PKIG: variants seen among roughly 807,000 people sequenced by gnomAD.
PKIG encodes the protein cAMP-dependent protein kinase inhibitor gamma.
Under a neutral mutation model 6.8 loss-of-function variants are expected in PKIG, and 1 was observed. The ratio of observed to expected loss-of-function variants is 0.15; its 90% CI spans 0.05 to 0.69. The LOEUF (loss-of-function observed/expected upper bound fraction) is 0.69, where lower values mean the gene tolerates loss of function less well. Ranked by LOEUF, PKIG falls within the 30% of genes least tolerant of loss-of-function variation. PKIG has a pLI of 0.82. For missense variants in PKIG, 77 were observed against 104.0 expected, an observed-to-expected ratio of 0.74 and a Z score of 1.13; for synonymous variants, 39 against 43.0, an observed-to-expected ratio of 0.91 and a Z score of 0.36.
At chr20:44,538,769 C>T (rs953668625) in intron 1 of PKIG, among the ~76,000 whole-genome samples, 1 of 152,132 alleles carries the variant, frequency 6.6e-6, no homozygotes, top group Non-Finnish European at 1.5e-5. Flanking sequence ...GTTTCCTCAA[C>T]AATTTTATAA....
At chr20:44,583,746 G>A (rs1055353678) in intron 1 of PKIG, among the ~76,000 whole-genome samples, 1 of 152,296 alleles carries the variant, frequency 6.6e-6, no homozygotes, top group African/African-American at 2.4e-5. Context: ...GATGATCTCT[G>A]TATTTCCAAA....
intron 2 of PKIG, among the ~76,000 whole-genome samples, chr20:44,611,396 A>C (rs548916680): frequency 6.2e-4 from 94 of 152,168 alleles, no homozygotes; most frequent in African/African-American, 2.1e-3. Flanking sequence ...GTACAATAGA[A>C]CAGGAACTTA....
intron 1 of PKIG, among the ~76,000 whole-genome samples, chr20:44,587,017 A>G (rs2064995432): frequency 6.6e-6 from 1 of 152,192 alleles, no homozygotes; most frequent in African/African-American, 2.4e-5. Context: ...TATTCTTACT[A>G]TGTCCCAGGA....
intron 1 of PKIG, among the ~76,000 whole-genome samples, chr20:44,576,337 G>A (rs897196840): frequency 3.9e-5 from 6 of 152,082 alleles, no homozygotes; most frequent in African/African-American, 1.4e-4. Flanking sequence ...CACATGGAAC[G>A]TGTACTTATA....
chr20:44,610,485 TTC>T (rs1555841159), intron 2 of PKIG, among the ~76,000 whole-genome samples: 16 of 129,240 alleles, frequency 1.2e-4, no homozygotes, highest in East Asian at 2.2e-4. Flanking sequence ...TCTCTCTCTC[TTC>T]TCTCTCTCTC....
At chr20:44,532,263 TAACTC>T (rs1321506375) in intron 1 of PKIG, among the ~76,000 whole-genome samples, 19 of 152,142 alleles carry the variant, frequency 1.2e-4, no homozygotes, top group Non-Finnish European at 1.5e-5. Flanking sequence ...GGCCAGAAAA[TAACTC>T]AAAACTGTGC....
intron 2 of PKIG, among the ~76,000 whole-genome samples, chr20:44,592,520 G>C (rs1355252233): frequency 2.6e-5 from 4 of 152,176 alleles, no homozygotes; most frequent in Non-Finnish European, 5.9e-5. Flanking sequence ...CCACCCTATG[G>C]GCAAACTGCT....
chr20:44,598,238 A>G (rs2065091233), intron 2 of PKIG, among the ~76,000 whole-genome samples: 1 of 152,204 alleles, frequency 6.6e-6, no homozygotes, highest in African/African-American at 2.4e-5. Flanking sequence ...CTCTAGAGGC[A>G]GGTTTCCCCA....
intron 2 of PKIG, among the ~76,000 whole-genome samples, chr20:44,590,291 T>C (rs2065024000): frequency 6.6e-6 from 1 of 152,178 alleles, no homozygotes; most frequent in African/African-American, 2.4e-5. Flanking sequence ...ATTTTCATTT[T>C]AATGCTGTAA....
At chr20:44,570,059 A>G (rs748508659) in intron 1 of PKIG, among the ~76,000 whole-genome samples, 2 of 152,152 alleles carry the variant, frequency 1.3e-5, no homozygotes, top group Non-Finnish European at 2.9e-5. Context: ...TGAGACTAGG[A>G]GTTTGAGGTT....
chr20:44,613,130 CTGT>C lies in PKIG; in HGVS notation c.-23-1402_-23-1400del, dbSNP rs1860150250. On this transcript the variant is annotated intron_variant, in intron 2 of 3. Coordinates refer to ENST00000372886, the MANE Select transcript of PKIG (RefSeq NM_001281445.2). ...TAGACTGTGTTACCAAGCACCAGGG[CTGT>C]TAACTGCTGTCTCTGTAGTAAGAAC... 3.9e-5 allele frequency among the ~76,000 whole-genome samples: 6 copies of C among 152,348 alleles called. No homozygotes were observed. The South Asian group carries it at 1.2e-3, about 32-fold the overall frequency.
chr20:44,597,803 G>A (rs979810611), intron 2 of PKIG, among the ~76,000 whole-genome samples: 1 of 152,152 alleles, frequency 6.6e-6, no homozygotes, highest in African/African-American at 2.4e-5. Context: ...TGTGAAAGGA[G>A]GGGCAGTTTT....
rs184097570 is a variant in PKIG, at chr20:44,601,032, C to T, written c.-24+11166C>T. ...GACTGGCGTCCTAACACAAAGGTCCCGGCAGTAGCAGGTGCCTGTGCAGAC... is the reference window on the plus strand; with the variant it reads ...GACTGGCGTCCTAACACAAAGGTCCTGGCAGTAGCAGGTGCCTGTGCAGAC... On this transcript the variant is annotated intron_variant, in intron 2 of 3. Transcript: ENST00000372886. Among the ~76,000 whole-genome samples, 332 of 152,170 alleles carry T rather than the reference C, an allele frequency of 2.2e-3. 1 individual carries two copies. The highest frequency in any genetic ancestry group is 7.5e-3 in the African/African-American group (313 of 41,524).
At chr20:44,575,425 G>T (rs2064888808) in intron 1 of PKIG, among the ~76,000 whole-genome samples, 1 of 152,112 alleles carries the variant, frequency 6.6e-6, no homozygotes, top group Non-Finnish European at 1.5e-5. Flanking sequence ...TGCCATGTTG[G>T]CCAGGCTGGT....
chr20:44,570,720 G>A lies in PKIG; in HGVS notation c.-240-11865G>A, dbSNP rs145682049. ...ATATTTTAATGTGGGACAGGAGGAG[G>A]CAGCAGTGAAAGGCAGTAAAGAAAT... On this transcript the variant is annotated intron_variant, in intron 1 of 4. Transcript: ENST00000372887. 6.6e-5 allele frequency among the ~76,000 whole-genome samples: 10 copies of A among 152,304 alleles called. No individual in the cohort carries two copies. The East Asian group carries it at 1.9e-3, about 29-fold the overall frequency.
intron 2 of PKIG, among the ~76,000 whole-genome samples, chr20:44,590,346 C>T (rs1600879226): frequency 6.6e-6 from 1 of 152,166 alleles, no homozygotes. Context: ...GAAATGGGTT[C>T]GGCCCAGTAG....
chr20:44,550,498 A>G (rs1202841961), intron 1 of PKIG, among the ~76,000 whole-genome samples: 2 of 152,172 alleles, frequency 1.3e-5, no homozygotes, highest in East Asian at 1.9e-4. Context: ...AGGTGGATGC[A>G]TAATGATTTC....
At chr20:44,557,976 C>T (rs962081526) in intron 1 of PKIG, among the ~76,000 whole-genome samples, 5 of 152,156 alleles carry the variant, frequency 3.3e-5, no homozygotes, top group Non-Finnish European at 7.3e-5. Flanking sequence ...CTCACTATTT[C>T]TCCAAAGTTG....
chr20:44,610,118 G>A (rs779195138), intron 2 of PKIG, among the ~76,000 whole-genome samples: 10 of 152,232 alleles, frequency 6.6e-5, no homozygotes, highest in African/African-American at 1.2e-4. Flanking sequence ...GAGCCAGAGC[G>A]TGACTAGGGC....
Sources: allele counts gnomAD v4.1 joint callset (sites outside exome capture counted in the v4.1 genomes callset), GRCh38; gene constraint gnomAD v4.1.1; transcripts MANE v1.5; gene names NCBI Gene and HGNC (gene_info 2026-07-23, HGNC 2026-07-21).